Variants in ZNF138 observed in about 807,000 individuals in gnomAD.
The protein encoded by ZNF138 is zinc finger protein 138 (clone pHZ-32).
Under a neutral mutation model 33.0 loss-of-function variants are expected in ZNF138, and 33 were observed. The ratio of observed to expected loss-of-function variants is 1.00; its 90% CI spans 0.76 to 1.34. The LOEUF is 1.34. Ranked by LOEUF, ZNF138 falls within the 40% of genes most tolerant of loss-of-function variation. The pLI, the probability that ZNF138 is intolerant of heterozygous loss-of-function variation, is 0.00. For synonymous variants in ZNF138, 139 were observed against 120.4 expected (o/e 1.15, Z -1.01); for missense variants, 360 against 370.8 (o/e 0.97, Z 0.24).
intron 3 of ZNF138, among the ~76,000 whole-genome samples, chr7:64,821,541 T>C (rs1394963148): frequency 6.6e-6 from 1 of 151,690 alleles, no homozygotes; most frequent in Admixed American, 6.6e-5. Context: ...TTCAACTTTA[T>C]ATTCTTTTTG....
Position 64,832,101 on chromosome 7 carries a change from G to T in ZNF138, c.859G>T (p.Val287Phe). Residue 287 changes from valine to phenylalanine, a missense_variant, in exon 4 of 4, where the codon GTC becomes TTC. Val to Phe is a conservative substitution (Grantham distance 50). Coordinates refer to ENST00000307355, the MANE Select transcript of ZNF138 (RefSeq NM_001271639.2). ...CTACAAATGTGAACAATGTGGCAAG[G>T]TCTTTAAGCAGTCCCCAACCCTTAC... The part of the protein sequence containing the change: ...KPYKCEQCGK[V>F]FKQSPTLTKH... The T allele has an allele frequency of 6.2e-7, 1 of 1,613,570 alleles. No individual in the cohort carries two copies. Among genetic ancestry groups the T allele is most frequent in the Non-Finnish European group, 8.5e-7 (1 of 1,179,872 alleles).
In ZNF138 at chr7:64,833,000, C is replaced by A; in HGVS notation, c.*798C>A. On this transcript the variant is annotated 3_prime_UTR_variant, in exon 4 of 4. Coordinates refer to ENST00000307355, the MANE Select transcript of ZNF138 (RefSeq NM_001271639.2). ...AGAAAATTCAAACTGGAGAGAAACT[C>A]TACAAATGTGAAGAATGTGGCAAAG... is the stretch of plus-strand genomic sequence containing the variant. The A allele has an allele frequency of 2.3e-6, 1 of 432,828 alleles. No homozygotes were observed. The highest frequency in any genetic ancestry group is 4.7e-6 in the Non-Finnish European group (1 of 213,470). The allele number at this position is 432,828 out of a possible 1,614,324, so 26.8% of individuals were successfully genotyped here.
intron 3 of ZNF138, among the ~76,000 whole-genome samples, chr7:64,816,946 T>C (rs912994741): frequency 2.0e-5 from 3 of 152,238 alleles, no homozygotes; most frequent in African/African-American, 7.2e-5. Context: ...TACAACGGGC[T>C]TGGGCTGTTG....
At chr7:64,804,215 A>C (rs1216661147) in intron 1 of ZNF138, among the ~76,000 whole-genome samples, 3 of 152,230 alleles carry the variant, frequency 2.0e-5, no homozygotes, top group South Asian at 2.1e-4. Context: ...TTAAAGATTG[A>C]CCCCTGACCT....
chr7:64,831,124 G>A (rs1233253264), intron 3 of ZNF138: 2 of 1,550,236 alleles, frequency 1.3e-6, no homozygotes, highest in Admixed American at 2.0e-5. Context: ...ACCAAGAGTT[G>A]GCAGTTTACT....
chr7:64,848,744 G>T, the ZNF138 span, among the ~76,000 whole-genome samples: 6,226 of 128,532 alleles, frequency 0.048, 461 homozygotes, highest in African/African-American at 0.17. Context: ...TCGCTCTGTC[G>T]CCCAGGCTGG....
At chr7:64,841,652 CTTA>C in the ZNF138 span, among the ~76,000 whole-genome samples, 10 of 152,112 alleles carry the variant, frequency 6.6e-5, no homozygotes, top group African/African-American at 2.4e-4. Flanking sequence ...TTTTGTTTGT[CTTA>C]TTATGTGTCT....
chr7:64,797,004 C>G (rs1608899), intron 1 of ZNF138, among the ~76,000 whole-genome samples: 1 of 152,052 alleles, frequency 6.6e-6, no homozygotes, highest in Admixed American at 6.5e-5. Context: ...GAGCTGAGAT[C>G]GTGCGGCTGC....
At chr7:64,835,099 C>T (rs903635220), downstream of ZNF138, among the ~76,000 whole-genome samples, 39 of 152,040 alleles carry the variant, frequency 2.6e-4, no homozygotes, top group African/African-American at 9.2e-4. Context: ...TTGAGTTTCA[C>T]ACTTCTGAGT....
the ZNF138 span, among the ~76,000 whole-genome samples, chr7:64,860,307 A>G: frequency 2.0e-5 from 3 of 152,316 alleles, no homozygotes; most frequent in South Asian, 6.2e-4. Context: ...TTTTATACCA[A>G]TTTTGAAATA....
At chr7:64,815,136 T>A in intron 2 of ZNF138, 92 bp downstream of exon 2, 6 of 1,268,414 alleles carry the variant, frequency 4.7e-6, no homozygotes, top group Non-Finnish European at 6.3e-6. Context: ...TAATTTATGC[T>A]TTGCATAAAT....
chr7:64,843,552 T>G, the ZNF138 span, among the ~76,000 whole-genome samples: 1 of 152,188 alleles, frequency 6.6e-6, no homozygotes. Flanking sequence ...ATATTGAGCA[T>G]TTTTATGTGT....
At chr7:64,812,913 T>G (rs1788295804) in intron 1 of ZNF138, among the ~76,000 whole-genome samples, 1 of 150,780 alleles carries the variant, frequency 6.6e-6, no homozygotes, top group Non-Finnish European at 1.5e-5. Context: ...CTCTTCCTCC[T>G]GGAATGCCAT....
chr7:64,794,586 T>G lies in ZNF138; in HGVS notation c.3+15T>G. ...GCCTAGAAATGGTGAGAGTGCTGGG[T>G]CCGACATCCCGAGAGAGGGGGAGGG... On this transcript the variant is annotated intron_variant, in intron 1 of 3. Coordinates refer to ENST00000307355, the MANE Select transcript of ZNF138 (RefSeq NM_001271639.2). The G allele has an allele frequency of 6.2e-7, 1 of 1,613,504 alleles. No homozygotes were observed. The highest frequency in any genetic ancestry group is 8.5e-7 in the Non-Finnish European group (1 of 1,179,644).
chr7:64,832,970 G>C lies in ZNF138; in HGVS notation c.*768G>C. 2.8e-6 allele frequency: 1 copy of C among 363,160 alleles called. No homozygotes were observed. The highest frequency in any genetic ancestry group is 5.6e-6 in the Non-Finnish European group (1 of 179,788). The allele number at this position is 363,160 out of a possible 1,614,324, so 22.5% of individuals were successfully genotyped here. Reference sequence around the variant, plus strand: ...TTAACTAGTTCTCGAACTTTACTATGCATAAGAAAATTCAAACTGGAGAGA... The same window carrying C: ...TTAACTAGTTCTCGAACTTTACTATCCATAAGAAAATTCAAACTGGAGAGA... On this transcript the variant is annotated 3_prime_UTR_variant, in exon 4 of 4. Coordinates refer to ENST00000307355, the MANE Select transcript of ZNF138 (RefSeq NM_001271639.2).
intron 3 of ZNF138, among the ~76,000 whole-genome samples, chr7:64,821,114 G>C (rs1415714859): frequency 6.6e-6 from 1 of 150,538 alleles, no homozygotes; most frequent in Non-Finnish European, 1.5e-5. Context: ...TTTTGGGACG[G>C]AGTCTGGCTC....
intron 1 of ZNF138, among the ~76,000 whole-genome samples, chr7:64,797,695 A>G (rs6956610): frequency 0.71 from 107,610 of 152,064 alleles, 38,966 homozygotes; most frequent in African/African-American, 0.86. Flanking sequence ...TGGGAGGGTC[A>G]TACTCAGGAT....
chr7:64,794,625 C>T (rs972523463), intron 1 of ZNF138, 54 bp downstream of exon 1: 23 of 1,611,712 alleles, frequency 1.4e-5, no homozygotes, highest in African/African-American at 8.0e-5. Context: ...TGGTTGGAAC[C>T]GGTCGGAAGT....
chr7:64,810,376 C>T (rs1788053675), intron 1 of ZNF138, among the ~76,000 whole-genome samples: 1 of 111,518 alleles, frequency 9.0e-6, no homozygotes, highest in African/African-American at 3.4e-5. Flanking sequence ...AGAGAGGTTG[C>T]AGTGAGCCGA....
Sources: gnomAD v4.1 joint callset for allele counts (sites outside exome capture counted in the v4.1 genomes callset) on GRCh38, gnomAD v4.1.1 for gene constraint, MANE v1.5 for transcripts, NCBI Gene and HGNC (gene_info 2026-07-23, HGNC 2026-07-21) for gene names.